PGCKA1: variants seen among roughly 807,000 people sequenced by gnomAD.
PGCKA1 encodes the protein PDCD10 and GCKIII kinases-associated protein 1.
chr4:37,565,022 T>C, the PGCKA1 span, among the ~76,000 whole-genome samples: 1 of 152,010 alleles, frequency 6.6e-6, no homozygotes, highest in Non-Finnish European at 1.5e-5. Flanking sequence ...ACAAACTACA[T>C]CTTGTCTGCT....
At chr4:37,546,824 C>G in the PGCKA1 span, among the ~76,000 whole-genome samples, 2 of 152,232 alleles carry the variant, frequency 1.3e-5, no homozygotes, top group Non-Finnish European at 2.9e-5. Context: ...GGCAATTGCC[C>G]CGGTGGAACG....
At chr4:37,459,256 T>G in the PGCKA1 span, among the ~76,000 whole-genome samples, 1 of 152,182 alleles carries the variant, frequency 6.6e-6, no homozygotes, top group Admixed American at 6.5e-5. Flanking sequence ...ATGGTTGCAG[T>G]GTGCACACAT....
chr4:37,537,376 A>G, the PGCKA1 span, among the ~76,000 whole-genome samples: 2 of 152,250 alleles, frequency 1.3e-5, no homozygotes, highest in Non-Finnish European at 2.9e-5. Context: ...GGCTGTCAAT[A>G]TGTTAAAGTA....
At chr4:37,568,811 C>T in the PGCKA1 span, among the ~76,000 whole-genome samples, 6 of 152,128 alleles carry the variant, frequency 3.9e-5, no homozygotes, top group Non-Finnish European at 8.8e-5. Context: ...CCCACTTTAT[C>T]GTTTAGATTG....
chr4:37,472,880 A>G, the PGCKA1 span, among the ~76,000 whole-genome samples: 2 of 152,182 alleles, frequency 1.3e-5, no homozygotes, highest in Non-Finnish European at 2.9e-5. Context: ...TATACTATCT[A>G]TGAGTTATGT....
chr4:37,469,419 G>C, the PGCKA1 span, among the ~76,000 whole-genome samples: 9 of 152,086 alleles, frequency 5.9e-5, no homozygotes, highest in Non-Finnish European at 2.9e-5. Flanking sequence ...ACTTCACATA[G>C]AGACTGTGTA....
chr4:37,478,147 C>A, the PGCKA1 span, among the ~76,000 whole-genome samples: 1 of 108,178 alleles, frequency 9.2e-6, no homozygotes, highest in Non-Finnish European at 2.1e-5. Flanking sequence ...AAAACACCCC[C>A]CCCCACCGCC....
the PGCKA1 span, among the ~76,000 whole-genome samples, chr4:37,556,132 C>G: frequency 6.6e-6 from 1 of 152,196 alleles, no homozygotes; most frequent in Admixed American, 6.5e-5. Flanking sequence ...ATTCAGAATT[C>G]TTTGTTGACT....
At chr4:37,494,163 TG>T in the PGCKA1 span, among the ~76,000 whole-genome samples, 2 of 152,166 alleles carry the variant, frequency 1.3e-5, no homozygotes, top group Non-Finnish European at 2.9e-5. Flanking sequence ...TTTAAGTACA[TG>T]TAGAGGTTTG....
chr4:37,527,298 A>G, the PGCKA1 span, among the ~76,000 whole-genome samples: 1 of 152,148 alleles, frequency 6.6e-6, no homozygotes, highest in Non-Finnish European at 1.5e-5. Context: ...AGAAAGAAAA[A>G]TATTTTAAAA....
At chr4:37,584,057 C>G in the PGCKA1 span, among the ~76,000 whole-genome samples, 2 of 152,046 alleles carry the variant, frequency 1.3e-5, no homozygotes, top group African/African-American at 4.8e-5. Flanking sequence ...TCCTTGTTGC[C>G]CCTGGGCTTA....
chr4:37,488,164 A>AT, the PGCKA1 span, among the ~76,000 whole-genome samples: 369 of 152,228 alleles, frequency 2.4e-3, 1 homozygote, highest in South Asian at 7.3e-3. Context: ...AGTCCAGAAT[A>AT]TTTTTTTCAC....
At chr4:37,573,529 G>A in the PGCKA1 span, among the ~76,000 whole-genome samples, 1 of 152,030 alleles carries the variant, frequency 6.6e-6, no homozygotes, top group African/African-American at 2.4e-5. Flanking sequence ...TTCTTTTCCA[G>A]GTGTGTAGAT....
At chr4:37,554,178 T>C in the PGCKA1 span, among the ~76,000 whole-genome samples, 1 of 152,164 alleles carries the variant, frequency 6.6e-6, no homozygotes, top group Admixed American at 6.5e-5. Flanking sequence ...ACATGTAAGA[T>C]GTGCCTTTGC....
the PGCKA1 span, among the ~76,000 whole-genome samples, chr4:37,492,401 G>A: frequency 1.3e-5 from 2 of 152,276 alleles, no homozygotes; most frequent in Middle Eastern, 3.4e-3. The surrounding 1 kb of genome is among the most constrained non-coding windows in gnomAD (Gnocchi z 4.7). Flanking sequence ...CAGCCTCACT[G>A]ATGGTGATTC....
chr4:37,462,331 T>C, the PGCKA1 span, among the ~76,000 whole-genome samples: 1 of 152,344 alleles, frequency 6.6e-6, no homozygotes, highest in East Asian at 1.9e-4. Flanking sequence ...AGCCAAAACT[T>C]GAACCCAGGC....
At chr4:37,455,948 T>C in the PGCKA1 span, among the ~76,000 whole-genome samples, 1 of 152,366 alleles carries the variant, frequency 6.6e-6, no homozygotes, top group Non-Finnish European at 1.5e-5. Flanking sequence ...TAGACTGTGT[T>C]TCACATTCCC....
the PGCKA1 span, among the ~76,000 whole-genome samples, chr4:37,564,560 G>A: frequency 6.6e-6 from 1 of 151,956 alleles, no homozygotes. Context: ...AGGCTGCAGT[G>A]CAGTGGCGCG....
chr4:37,483,698 G>A, the PGCKA1 span, among the ~76,000 whole-genome samples: 1 of 152,176 alleles, frequency 6.6e-6, no homozygotes, highest in African/African-American at 2.4e-5. Flanking sequence ...CAGTGCTTCT[G>A]GATTTTTTTT....
Sources: allele counts gnomAD v4.1 joint callset (sites outside exome capture counted in the v4.1 genomes callset), GRCh38; gene constraint gnomAD v4.1.1; non-coding constraint Gnocchi (gnomAD v3.1); transcripts MANE v1.5; gene names NCBI Gene and HGNC (gene_info 2026-07-23, HGNC 2026-07-21).